Variants in IRS2 observed in about 807,000 individuals in gnomAD.
IRS2 encodes the protein insulin receptor substrate 2.
In IRS2, 28 loss-of-function variants were observed where a neutral mutation model predicts 70.9. That is an observed-to-expected ratio of 0.39 (90% confidence interval 0.29 to 0.54). The LOEUF is 0.54. Among genes scored for constraint, IRS2 ranks in the 20% least tolerant of loss-of-function variants. The pLI is 0.59. For missense variants in IRS2, 2,081 were observed against 2,024.1 expected (o/e 1.03, Z -0.54); for synonymous variants, 1,217 against 981.9 (o/e 1.24, Z -4.48).
chr13:109,777,586 T>C (rs1877607638), intron 1 of IRS2, among the ~76,000 whole-genome samples: 1 of 152,206 alleles, frequency 6.6e-6, no homozygotes, highest in East Asian at 1.9e-4. Context: ...ATGACCACCC[T>C]CATTAAATCG....
chr13:109,783,666 CCT>C lies in IRS2; in HGVS notation c.2386_2387del (p.Arg796GlyfsTer77). 1 of 1,557,610 alleles carries C rather than the reference CCT, an allele frequency of 6.4e-7. No individual in the cohort carries two copies. Among genetic ancestry groups the C allele is most frequent in the Non-Finnish European group, 8.7e-7 (1 of 1,150,832 alleles). The stretch of plus-strand genomic sequence containing the variant: ...AGCTGTAGCAGCAGCCGGGAACGCC[CCT>C]GAGCGGCTCCCCGCCGGGGTGCAGG... Reference protein sequence around the residue: ...AALHPGGEPLRGVPGCCYSSL... With the variant: ...AALHPGGEPLXGVPGCCYSSL... On this transcript the variant is annotated frameshift_variant, in exon 1 of 2. Transcript: ENST00000375856. LOFTEE classifies it high-confidence loss of function.
At chr13:109,767,089 T>C (rs942781465) in intron 1 of IRS2, among the ~76,000 whole-genome samples, 2 of 151,716 alleles carry the variant, frequency 1.3e-5, no homozygotes, top group South Asian at 2.1e-4. Context: ...TGGAGGGAGG[T>C]TTGGATGAGT....
rs772168167 is a variant in IRS2 at position 109,782,709 on chromosome 13, C to T, written c.3345G>A (p.Ser1115=). ...TGGCCTGCAGGAAGGCCTCGACTCCCGACACCTGCTCCATGAGGCTCAGCC... is the reference window on the plus strand; with the variant it reads ...TGGCCTGCAGGAAGGCCTCGACTCCTGACACCTGCTCCATGAGGCTCAGCC... ...VKRLSLMEQV[S]GVEAFLQASQ... The change falls in exon 1 of 2, where the codon TCG becomes TCA. Residue 1115 remains serine (S), a synonymous_variant. Transcript: ENST00000375856. 5 of 1,591,622 alleles carry T rather than the reference C, an allele frequency of 3.1e-6. No individual in the cohort carries two copies. Among genetic ancestry groups the T allele is most frequent in the African/African-American group, 1.3e-5 (1 of 74,590 alleles).
chr13:109,773,160 A>T (rs1482726696), intron 1 of IRS2, among the ~76,000 whole-genome samples: 1 of 152,198 alleles, frequency 6.6e-6, no homozygotes, highest in Non-Finnish European at 1.5e-5. Context: ...ATAAAAATCC[A>T]GCTAAATGAT....
Position 109,783,972 on chromosome 13 carries a change from G to A in IRS2, c.2082C>T (p.Ala694=), listed in dbSNP as rs1373243517. 2.0e-6 allele frequency: 3 copies of A among 1,515,172 alleles called. No individual in the cohort carries two copies. Among genetic ancestry groups the A allele is most frequent in the East Asian group, 5.0e-5 (2 of 40,052 alleles). The allele number at this position is 1,515,172 out of a possible 1,614,324, so 93.9% of individuals were successfully genotyped here. ...GCACGGCGGCGGCGGCGGCGGCGGC[G>A]GCCCTGGGCTGCAAGATCTGCTTGG... is the stretch of plus-strand genomic sequence containing the variant. The part of the protein sequence containing the change: ...SAPKQILQPR[A]AAAAAAAVPS... The change falls in exon 1 of 2, where the codon GCC becomes GCT. Residue 694 remains alanine, a synonymous_variant. Transcript: ENST00000375856.
At chr13:109,760,508 C>T (rs749978465) in intron 1 of IRS2, among the ~76,000 whole-genome samples, 4 of 152,216 alleles carry the variant, frequency 2.6e-5, no homozygotes, top group Non-Finnish European at 4.4e-5. Context: ...CAAACAAAAA[C>T]ACTTTTAGCA....
At chr13:109,764,540 T>C (rs1030483900) in intron 1 of IRS2, among the ~76,000 whole-genome samples, 9 of 152,260 alleles carry the variant, frequency 5.9e-5, no homozygotes, top group African/African-American at 2.2e-4. Context: ...ACAACTGGCA[T>C]TTTGTGGTTG....
chr13:109,755,634 CA>C lies in IRS2; in HGVS notation c.*669del, dbSNP rs746085134. 7 of 202,916 alleles carry C rather than the reference CA, an allele frequency of 3.4e-5. No homozygotes were observed. Among genetic ancestry groups the C allele is most frequent in the Non-Finnish European group, 5.1e-5 (5 of 98,800 alleles). The allele number at this position is 202,916 out of a possible 1,614,324, so 12.6% of individuals were successfully genotyped here. On this transcript the variant is annotated 3_prime_UTR_variant, in exon 2 of 2. Coordinates refer to ENST00000375856, the MANE Select transcript of IRS2 (RefSeq NM_003749.3). Reference sequence around the variant, plus strand: ...GTAATCCGTCTTCAAAGTCCAATCCCAAATTTCACTTCCATTGAGAAATGTC... The same window carrying C: ...GTAATCCGTCTTCAAAGTCCAATCCCAATTTCACTTCCATTGAGAAATGTC...
chr13:109,781,877 G>A (rs914248998), intron 1 of IRS2, among the ~76,000 whole-genome samples, 165 bp downstream of exon 1: 3 of 152,216 alleles, frequency 2.0e-5, no homozygotes, highest in South Asian at 2.1e-4. Flanking sequence ...GTTCTCTGAA[G>A]GAAGAGAACA....
Position 109,785,995 on chromosome 13 carries a change from AGGTTGG to A in IRS2, c.53_58del (p.Pro18_Asn19del), listed in dbSNP as rs1877912250. On this transcript the variant is annotated inframe_deletion, in exon 1 of 2. Coordinates refer to ENST00000375856, the MANE Select transcript of IRS2 (RefSeq NM_003749.3). This position sits in a 1 kb window ranked among gnomAD's most constrained non-coding sequence, Gnocchi z 9.3. ...GTTGTTGTTGTTGTTGTTGTTGTTG[AGGTTGG>A]GGCCGTCTCCGCTCGCCGGCCCGGG... is the stretch of plus-strand genomic sequence containing the variant. The A allele has an allele frequency of 2.8e-6, 4 of 1,433,388 alleles. No individual in the cohort carries two copies. The highest frequency in any genetic ancestry group is 1.5e-5 in the African/African-American group (1 of 66,560). The allele number at this position is 1,433,388 out of a possible 1,614,324, so 88.8% of individuals were successfully genotyped here.
chr13:109,757,016 T>G (rs916556750), intron 1 of IRS2, among the ~76,000 whole-genome samples: 12 of 152,188 alleles, frequency 7.9e-5, no homozygotes, highest in African/African-American at 2.9e-4. Flanking sequence ...TAATTTACCC[T>G]TTCGCTGTGC....
rs2138929509 is a variant in IRS2, at chr13:109,782,352, G to A, written c.3702C>T (p.Ser1234=). The A allele has an allele frequency of 6.2e-7, 1 of 1,611,724 alleles. No individual in the cohort carries two copies. Among genetic ancestry groups the A allele is most frequent in the Non-Finnish European group, 8.5e-7 (1 of 1,179,420 alleles). Residue 1234 remains serine (S), a synonymous_variant, in exon 1 of 2, where the codon AGC becomes AGT. Transcript: ENST00000375856. Reference sequence around the variant, plus strand: ...TCTCTCTGCGCATGGGCGATCCACCGCTCCCAGGACAACCGACCAAGCCCC... The same window carrying A: ...TCTCTCTGCGCATGGGCGATCCACCACTCCCAGGACAACCGACCAAGCCCC... ...QPGGLVGCPG[S]GGSPMRRETS...
chr13:109,783,799 G>A lies in IRS2; in HGVS notation c.2255C>T (p.Ser752Phe), dbSNP rs1308299093. The change falls in exon 1 of 2, where the codon TCC becomes TTC. Residue 752 changes from serine to phenylalanine, a missense_variant. Transcript: ENST00000375856. ...YMRMWCGSKLSMEHADGKLLP... is the reference protein window; with the variant it reads ...YMRMWCGSKLFMEHADGKLLP... ...CAGCTTGCCATCTGCATGCTCCATGGACAGCTTGGAACCGCACCACATGCG... is the reference window on the plus strand; with the variant it reads ...CAGCTTGCCATCTGCATGCTCCATGAACAGCTTGGAACCGCACCACATGCG... The A allele has an allele frequency of 1.9e-6, 3 of 1,596,938 alleles. No individual in the cohort carries two copies. Among genetic ancestry groups the A allele is most frequent in the East Asian group, 4.6e-5 (2 of 43,866 alleles).
intron 1 of IRS2, 23 bp downstream of exon 1, chr13:109,782,019 G>A (rs781264712): frequency 6.8e-6 from 11 of 1,610,752 alleles, no homozygotes; most frequent in South Asian, 6.6e-5. Context: ...CCCGCCAGAC[G>A]CCAAGGCAAA....
Position 109,785,756 on chromosome 13 carries a change from T to C in IRS2, c.298A>G (p.Asn100Asp), listed in dbSNP as rs1297889396. 1.3e-6 allele frequency: 2 copies of C among 1,595,306 alleles called. No individual in the cohort carries two copies. ...TTGGCGTCGGCGCGCTTGTTGATGT[T>C]CAGGCAGCAGTCGAGAGCGATCACC... ...KRVIALDCCL[N>D]INKRADAKHK... Residue 100 changes from asparagine (N) to aspartate (D), a missense_variant, in exon 1 of 2, where the codon AAC becomes GAC. Coordinates refer to ENST00000375856, the MANE Select transcript of IRS2 (RefSeq NM_003749.3). This position sits in a 1 kb window ranked among gnomAD's most constrained non-coding sequence, Gnocchi z 9.3.
intron 1 of IRS2, among the ~76,000 whole-genome samples, chr13:109,780,977 C>A (rs1251878021): frequency 1.3e-5 from 2 of 152,186 alleles, no homozygotes; most frequent in Non-Finnish European, 2.9e-5. Flanking sequence ...ACGGGAAGAA[C>A]AATACCAGGC....
rs2138934871 is a variant in IRS2, at chr13:109,784,139, A to G, written c.1915T>C (p.Ser639Pro). Residue 639 changes from serine to proline, a missense_variant, in exon 1 of 2, where the codon TCC becomes CCC. Ser to Pro is a moderately conservative substitution (Grantham distance 74). Transcript: ENST00000375856. This position sits in a 1 kb window ranked among gnomAD's most constrained non-coding sequence, Gnocchi z 5.2. ...PEDYGDIEIGSHRSSSSNLGA... is the reference protein window; with the variant it reads ...PEDYGDIEIGPHRSSSSNLGA... ...AGGTTGCTGCTGGAGCTCCTGTGGGAGCCGATCTCGATGTCTCCGTAGTCC... is the reference window on the plus strand; with the variant it reads ...AGGTTGCTGCTGGAGCTCCTGTGGGGGCCGATCTCGATGTCTCCGTAGTCC... The G allele has an allele frequency of 6.3e-7, 1 of 1,593,132 alleles. No homozygotes were observed. Among genetic ancestry groups the G allele is most frequent in the Non-Finnish European group, 8.5e-7 (1 of 1,176,302 alleles).
Position 109,784,077 on chromosome 13 carries a change from G to C in IRS2, c.1977C>G (p.Gly659=), listed in dbSNP as rs1366722218. The part of the protein sequence containing the change: ...ADDGYMPMTP[G]AALAGSGSGS... The stretch of plus-strand genomic sequence containing the variant: ...CGCTCCCACTGCCCGCGAGGGCCGC[G>C]CCGGGCGTCATGGGCATGTAGCCGT... The change falls in exon 1 of 2, where the codon GGC becomes GGG. Residue 659 remains glycine (G), a synonymous_variant. Coordinates refer to ENST00000375856, the MANE Select transcript of IRS2 (RefSeq NM_003749.3). This position sits in a 1 kb window ranked among gnomAD's most constrained non-coding sequence, Gnocchi z 5.2. The C allele has an allele frequency of 8.2e-6, 13 of 1,577,586 alleles. No individual in the cohort carries two copies. Among genetic ancestry groups the C allele is most frequent in the Non-Finnish European group, 1.1e-5 (13 of 1,168,918 alleles).
At chr13:109,757,109 C>T (rs1877124654) in intron 1 of IRS2, among the ~76,000 whole-genome samples, 1 of 151,972 alleles carries the variant, frequency 6.6e-6, no homozygotes, top group African/African-American at 2.4e-5. Flanking sequence ...ATTCTTTAAC[C>T]TTTCTCAATT....
Sources: allele counts gnomAD v4.1 joint callset (sites outside exome capture counted in the v4.1 genomes callset), GRCh38; gene constraint gnomAD v4.1.1; non-coding constraint Gnocchi (gnomAD v3.1); transcripts MANE v1.5; gene names NCBI Gene and HGNC (gene_info 2026-07-23, HGNC 2026-07-21).